Variants in TRAPPC9 observed in about 807,000 individuals in gnomAD.
TRAPPC9 encodes the protein IKK2 binding protein.
Under a neutral mutation model 124.0 loss-of-function variants are expected in TRAPPC9, and 83 were observed. The ratio of observed to expected loss-of-function variants is 0.67; its 90% CI spans 0.56 to 0.80. The LOEUF (loss-of-function observed/expected upper bound fraction) is 0.80, where lower values mean the gene tolerates loss of function less well. Ranked by LOEUF, TRAPPC9 falls within the 30% of genes least tolerant of loss-of-function variation. TRAPPC9 has a pLI of 0.00. For missense variants in TRAPPC9, 1,302 were observed against 1,508.3 expected (o/e 0.86, Z 2.27); for synonymous variants, 638 against 617.5 (o/e 1.03, Z -0.49).
chr8:140,457,624 C>A lies in TRAPPC9; in HGVS notation c.-11+15G>T. ...CCGAATTGCCTGACCGGGAGCCCCC[C>A]CGCTTTGCACTTACACAGCCGGTGG... On this transcript the variant is annotated intron_variant, in intron 1 of 22. Coordinates refer to ENST00000438773, the MANE Select transcript of TRAPPC9 (RefSeq NM_001160372.4). The A allele has an allele frequency of 5.1e-6, 5 of 985,800 alleles. No individual in the cohort carries two copies. Among genetic ancestry groups the A allele is most frequent in the Non-Finnish European group, 6.0e-6 (5 of 830,202 alleles). The allele number at this position is 985,800 out of a possible 1,614,324, so 61.1% of individuals were successfully genotyped here. A position where few individuals can be genotyped will look rare whatever the true frequency, so the allele number is the denominator to read the frequency against.
intron 19 of TRAPPC9, among the ~76,000 whole-genome samples, chr8:139,983,227 C>A (rs190620219): frequency 6.6e-6 from 1 of 152,160 alleles, no homozygotes; most frequent in South Asian, 2.1e-4. Context: ...ATCTGCCCAG[C>A]GTCTTGATCT....
At chr8:140,074,728 A>G (rs1004936053) in intron 17 of TRAPPC9, among the ~76,000 whole-genome samples, 10 of 152,266 alleles carry the variant, frequency 6.6e-5, no homozygotes, top group African/African-American at 1.9e-4. Flanking sequence ...TGGAGTCACA[A>G]TCTGATTGTG....
chr8:139,885,332 G>A (rs534090338), intron 21 of TRAPPC9, among the ~76,000 whole-genome samples: 5 of 152,294 alleles, frequency 3.3e-5, no homozygotes, highest in Admixed American at 1.3e-4. Context: ...CAGTAATGGC[G>A]TTCTCTTGGG....
intron 10 of TRAPPC9, among the ~76,000 whole-genome samples, chr8:140,308,604 C>T (rs1193955851): frequency 6.6e-6 from 1 of 152,100 alleles, no homozygotes; most frequent in Non-Finnish European, 1.5e-5. Flanking sequence ...AGCCCATGGC[C>T]AGGCATAGTG....
At chr8:140,457,566 A>G (rs1456337991) in intron 1 of TRAPPC9, 73 bp downstream of exon 1, 2 of 980,016 alleles carry the variant, frequency 2.0e-6, no homozygotes, top group Non-Finnish European at 2.4e-6. Flanking sequence ...CGCCGACTCC[A>G]CGGCCAGCCG....
At chr8:140,043,400 T>C (rs2132041038) in intron 17 of TRAPPC9, among the ~76,000 whole-genome samples, 1 of 152,280 alleles carries the variant, frequency 6.6e-6, no homozygotes, top group South Asian at 2.1e-4. Context: ...GTGAGGAAAA[T>C]GAGGCTTAAA....
intron 20 of TRAPPC9, among the ~76,000 whole-genome samples, chr8:139,908,327 C>T (rs1831494610): frequency 6.6e-6 from 1 of 152,198 alleles, no homozygotes; most frequent in African/African-American, 2.4e-5. Context: ...CCGCCTTGCT[C>T]TGCATGGGGC....
chr8:140,446,939 G>C (rs116920727), intron 2 of TRAPPC9, among the ~76,000 whole-genome samples: 1 of 152,066 alleles, frequency 6.6e-6, no homozygotes, highest in Non-Finnish European at 1.5e-5. Flanking sequence ...AAAGACAGCC[G>C]CACCCTCCCG....
At chr8:140,421,984 CAAAAAAAA>C (rs35152459) in intron 5 of TRAPPC9, among the ~76,000 whole-genome samples, 2 of 43,962 alleles carry the variant, frequency 4.5e-5, no homozygotes, top group Admixed American at 3.6e-4. Flanking sequence ...TCCCTCATGA[CAAAAAAAA>C]AAAAAAAAAA....
chr8:139,965,927 G>C (rs528740964), intron 19 of TRAPPC9, among the ~76,000 whole-genome samples: 3 of 152,230 alleles, frequency 2.0e-5, no homozygotes, highest in African/African-American at 7.2e-5. Flanking sequence ...CTGACATCTC[G>C]CACAGCCTGC....
intron 17 of TRAPPC9, among the ~76,000 whole-genome samples, chr8:140,159,671 T>C (rs1240112602): frequency 6.6e-6 from 1 of 152,138 alleles, no homozygotes; most frequent in Admixed American, 6.5e-5. Context: ...GAGCATTACA[T>C]GTAAAAGAGG....
chr8:140,322,615 G>T (rs1190121381), intron 9 of TRAPPC9, among the ~76,000 whole-genome samples: 1 of 151,542 alleles, frequency 6.6e-6, no homozygotes, highest in Non-Finnish European at 1.5e-5. Flanking sequence ...ATTGCTTCAG[G>T]CCAGGAGTTC....
intron 9 of TRAPPC9, among the ~76,000 whole-genome samples, chr8:140,340,626 G>A (rs142290582): frequency 6.0e-4 from 92 of 152,330 alleles, no homozygotes; most frequent in African/African-American, 2.0e-3. Context: ...GGTAAAGTCA[G>A]TAAATTGTCA....
At chr8:140,131,465 AG>A (rs1186679313) in intron 17 of TRAPPC9, among the ~76,000 whole-genome samples, 1 of 152,180 alleles carries the variant, frequency 6.6e-6, no homozygotes, top group African/African-American at 2.4e-5. Context: ...CAGCCCCCTG[AG>A]GAAGAAAAGA....
intron 14 of TRAPPC9, among the ~76,000 whole-genome samples, chr8:140,282,832 C>T (rs563581680): frequency 3.9e-5 from 6 of 152,288 alleles, no homozygotes; most frequent in East Asian, 1.9e-4. Flanking sequence ...AATATCACAA[C>T]AAATCATTTA....
At chr8:140,162,370 G>A (rs1411059456) in intron 17 of TRAPPC9, among the ~76,000 whole-genome samples, 1 of 152,106 alleles carries the variant, frequency 6.6e-6, no homozygotes, top group Non-Finnish European at 1.5e-5. Flanking sequence ...TGCTTGCGTG[G>A]AAGGCTTTTC....
chr8:139,965,789 C>CAAGGGGAA (rs1835667156), intron 19 of TRAPPC9, among the ~76,000 whole-genome samples: 5 of 152,206 alleles, frequency 3.3e-5, no homozygotes, highest in South Asian at 2.1e-4. Flanking sequence ...CCATGTTGAG[C>CAAGGGGAA]AGAGTTGGCT....
intron 21 of TRAPPC9, among the ~76,000 whole-genome samples, chr8:139,866,528 C>T (rs1828552349): frequency 6.6e-6 from 1 of 152,064 alleles, no homozygotes; most frequent in African/African-American, 2.4e-5. Context: ...CCGTTGAGAG[C>T]CTAGGAGTGT....
intron 17 of TRAPPC9, chr8:140,095,494 G>C (rs1563756360): frequency 6.6e-6 from 1 of 152,168 alleles, no homozygotes; most frequent in Non-Finnish European, 1.5e-5. Flanking sequence ...AAACACGCAA[G>C]TGGAGAGGGA....
Sources: gnomAD v4.1 joint callset for allele counts (sites outside exome capture counted in the v4.1 genomes callset) on GRCh38, gnomAD v4.1.1 for gene constraint, MANE v1.5 for transcripts, NCBI Gene and HGNC (gene_info 2026-07-23, HGNC 2026-07-21) for gene names.